TSPAN12: variants seen among roughly 807,000 people sequenced by gnomAD.
The protein encoded by TSPAN12 is tetraspanin 12.
In TSPAN12, 19 loss-of-function variants were observed where a neutral mutation model predicts 39.2. The observed-to-expected ratio is 0.49, with a 90% CI of 0.34 to 0.71. TSPAN12 has a LOEUF of 0.71. TSPAN12 is among the 30% of genes least tolerant of loss of function. The pLI is 0.01. For missense variants in TSPAN12, 314 were observed against 359.9 expected, an observed-to-expected ratio of 0.87 and a Z score of 1.03; for synonymous variants, 119 against 124.8, an observed-to-expected ratio of 0.95 and a Z score of 0.31.
intron 5 of TSPAN12, among the ~76,000 whole-genome samples, chr7:120,812,323 G>A (rs557207635): frequency 6.6e-6 from 1 of 152,242 alleles, no homozygotes; most frequent in Non-Finnish European, 1.5e-5. Context: ...TACACACACA[G>A]TATTAAGGCA....
At chr7:120,839,103 T>C (rs181179087) in intron 3 of TSPAN12, among the ~76,000 whole-genome samples, 191 bp from the exon 4 acceptor site, 1 of 152,346 alleles carries the variant, frequency 6.6e-6, no homozygotes. Flanking sequence ...TGCTTTATTT[T>C]TGGTTTTGCA....
chr7:120,821,933 T>A (rs995610732), intron 4 of TSPAN12, among the ~76,000 whole-genome samples: 1 of 152,188 alleles, frequency 6.6e-6, no homozygotes, highest in Non-Finnish European at 1.5e-5. Flanking sequence ...TGAGACTGTT[T>A]TTGGTATTTT....
intron 5 of TSPAN12, among the ~76,000 whole-genome samples, chr7:120,814,938 T>C (rs1794051361): frequency 6.6e-6 from 1 of 152,214 alleles, no homozygotes; most frequent in South Asian, 2.1e-4. Flanking sequence ...ACAGGAGATG[T>C]AGGCTTCCTA....
At chr7:120,800,993 T>A (rs1793758879) in intron 7 of TSPAN12, among the ~76,000 whole-genome samples, 1 of 152,208 alleles carries the variant, frequency 6.6e-6, no homozygotes, top group Middle Eastern at 3.4e-3. Context: ...CTTCATCATG[T>A]TGGGCTGGTC....
chr7:120,797,280 T>C (rs959674948), intron 7 of TSPAN12, among the ~76,000 whole-genome samples: 1 of 152,242 alleles, frequency 6.6e-6, no homozygotes, highest in Non-Finnish European at 1.5e-5. Flanking sequence ...CCTTCATGCA[T>C]TGGGAGTTCT....
At chr7:120,837,110 T>C (rs1167530771) in intron 4 of TSPAN12, among the ~76,000 whole-genome samples, 1 of 152,182 alleles carries the variant, frequency 6.6e-6, no homozygotes, top group Non-Finnish European at 1.5e-5. Context: ...ACTTGAAATA[T>C]GTTATACTCT....
At chr7:120,791,395 C>A (rs373051276) in intron 7 of TSPAN12, among the ~76,000 whole-genome samples, 3 of 151,566 alleles carry the variant, frequency 2.0e-5, no homozygotes, top group African/African-American at 7.3e-5. Flanking sequence ...GGAATAAGTT[C>A]AAGAGGTTTA....
rs148802163 is a variant in TSPAN12, at chr7:120,800,744, G to GTTTTTTTTTTTTTT, written c.612+5804_612+5805insAAAAAAAAAAAAAA. Among the ~76,000 whole-genome samples the GTTTTTTTTTTTTTT allele has an allele frequency of 1.7e-5, 2 of 118,738 alleles. 1 individual carries two copies. The highest frequency in any genetic ancestry group is 3.4e-5 in the Non-Finnish European group (2 of 59,024). 77.9% of individuals were successfully genotyped at this position (118,738 alleles called of 152,430 possible). A position where few individuals can be genotyped will look rare whatever the true frequency, so the allele number is the denominator to read the frequency against. ...CTGCTGAAATAAAGTTTTCCTTATC[G>GTTTTTTTTTTTTTT]TTTTTTTTTGTTTTTTTTTTTTGAG... is the stretch of plus-strand genomic sequence containing the variant. On this transcript the variant is annotated intron_variant, in intron 7 of 7. Transcript: ENST00000222747.
intron 4 of TSPAN12, among the ~76,000 whole-genome samples, chr7:120,832,361 T>C (rs1794404888): frequency 6.6e-6 from 1 of 152,104 alleles, no homozygotes; most frequent in Admixed American, 6.6e-5. Flanking sequence ...CCTTCACAAT[T>C]GGACTTAACT....
At chr7:120,793,859 T>C (rs1254233472) in intron 7 of TSPAN12, among the ~76,000 whole-genome samples, 1 of 152,240 alleles carries the variant, frequency 6.6e-6, no homozygotes, top group Non-Finnish European at 1.5e-5. Context: ...AAAAATGATA[T>C]TGAAGATATT....
intron 7 of TSPAN12, among the ~76,000 whole-genome samples, chr7:120,803,085 A>G (rs1479679816): frequency 6.6e-6 from 1 of 152,168 alleles, no homozygotes; most frequent in African/African-American, 2.4e-5. Context: ...AACCCATTCT[A>G]CACTACCAAT....
intron 7 of TSPAN12, among the ~76,000 whole-genome samples, chr7:120,792,784 A>G (rs1184565673): frequency 1.3e-5 from 2 of 152,244 alleles, no homozygotes; most frequent in African/African-American, 4.8e-5. Context: ...GAGAGGTGGA[A>G]AAGTCTGATT....
At chr7:120,816,822 G>C (rs1027194587) in intron 4 of TSPAN12, among the ~76,000 whole-genome samples, 1 of 152,140 alleles carries the variant, frequency 6.6e-6, no homozygotes, top group African/African-American at 2.4e-5. Context: ...TGGTGAAGAT[G>C]CCTTAGAAGG....
chr7:120,844,859 T>G (rs1412850251), intron 2 of TSPAN12, among the ~76,000 whole-genome samples: 1 of 152,202 alleles, frequency 6.6e-6, no homozygotes. Flanking sequence ...AGGCAGTGCC[T>G]TAGTGGGGAC....
At chr7:120,806,346 C>T (rs1793873483) in intron 7 of TSPAN12, among the ~76,000 whole-genome samples, 1 of 152,046 alleles carries the variant, frequency 6.6e-6, no homozygotes, top group African/African-American at 2.4e-5. Flanking sequence ...GTCTTTCCCA[C>T]TTCCCTTTAT....
intron 2 of TSPAN12, among the ~76,000 whole-genome samples, chr7:120,850,590 A>C (rs1371026567): frequency 6.6e-6 from 1 of 152,188 alleles, no homozygotes; most frequent in East Asian, 1.9e-4. Context: ...TGTACTTCTC[A>C]AAAAACATTC....
At chr7:120,852,733 G>A (rs1794792396) in intron 2 of TSPAN12, among the ~76,000 whole-genome samples, 1 of 152,142 alleles carries the variant, frequency 6.6e-6, no homozygotes, top group Non-Finnish European at 1.5e-5. Flanking sequence ...ATCCATCACT[G>A]TTTCCAGCAA....
chr7:120,801,517 A>T (rs1352504965), intron 7 of TSPAN12, among the ~76,000 whole-genome samples: 1 of 152,226 alleles, frequency 6.6e-6, no homozygotes, highest in Non-Finnish European at 1.5e-5. Context: ...CAGCCCTTAC[A>T]TAAATCTGTG....
At chr7:120,850,721 A>C (rs1333746148) in intron 2 of TSPAN12, among the ~76,000 whole-genome samples, 2 of 149,314 alleles carry the variant, frequency 1.3e-5, no homozygotes, top group Admixed American at 6.7e-5. Context: ...ATAGAGTCTC[A>C]CTTTGTTGCC....
Sources: gnomAD v4.1 joint callset for allele counts (sites outside exome capture counted in the v4.1 genomes callset) on GRCh38, gnomAD v4.1.1 for gene constraint, MANE v1.5 for transcripts, NCBI Gene and HGNC (gene_info 2026-07-23, HGNC 2026-07-21) for gene names.